Variants in SUPT16H observed in about 807,000 individuals in gnomAD.
SUPT16H encodes SPT16 homolog, facilitates chromatin remodeling subunit.
In SUPT16H, 24 loss-of-function variants were observed where a neutral mutation model predicts 136.2. The ratio of observed to expected loss-of-function variants is 0.18; its 90% CI spans 0.13 to 0.25. SUPT16H has a LOEUF of 0.25. Ranked by LOEUF, SUPT16H falls within the 10% of genes least tolerant of loss-of-function variation. The pLI is 1.00. For missense variants in SUPT16H, 623 were observed against 1,270.2 expected, an observed-to-expected ratio of 0.49 and a Z score of 7.74; for synonymous variants, 415 against 428.2, an observed-to-expected ratio of 0.97 and a Z score of 0.38.
rs867431583 is a variant in SUPT16H, at chr14:21,357,995, C to T, written c.2422G>A (p.Gly808Arg). The T allele has an allele frequency of 6.2e-7, 1 of 1,613,362 alleles. No homozygotes were observed. Among genetic ancestry groups the T allele is most frequent in the Non-Finnish European group, 8.5e-7 (1 of 1,179,630 alleles). ...EVPFRDLGFNGAPYRSTCLLQ... is the reference protein window; with the variant it reads ...EVPFRDLGFNRAPYRSTCLLQ... ...AGGCAGGTACTCCTATAGGGAGCTC[C>T]GTTAAATCTGGAAGAGACAAACTTT... is the stretch of plus-strand genomic sequence containing the variant. The change falls in exon 21 of 26, where the codon GGA becomes AGA. Residue 808 changes from glycine to arginine, a missense_variant. Gly to Arg is a moderately radical substitution (Grantham distance 125). Transcript: ENST00000216297.
intron 21 of SUPT16H, among the ~76,000 whole-genome samples, chr14:21,357,634 T>TTACAAAA (rs1886463079): frequency 6.6e-6 from 1 of 151,798 alleles, no homozygotes. Flanking sequence ...AGACATTATC[T>TTACAAAA]TAAAAAATAA....
In SUPT16H at chr14:21,358,080, C is replaced by T. The variant is rs1886473416; in HGVS notation, c.2415-78G>A. 1.3e-5 allele frequency: 17 copies of T among 1,334,698 alleles called. No homozygotes were observed. In the South Asian group the frequency reaches 1.9e-4, roughly 15 times the overall value. The allele number at this position is 1,334,698 out of a possible 1,614,324, so 82.7% of individuals were successfully genotyped here. On this transcript the variant is annotated intron_variant, in intron 20 of 25. Transcript: ENST00000216297. ...ACCACAACAGACAAACTTCTTCCCT[C>T]TCCCCATTCCAAACAGCTCCAGCAT...
chr14:21,366,429 C>T lies in SUPT16H; in HGVS notation c.1046+10G>A. ...CTGACTCAAGAATGACAATAGACAT[C>T]ATGGCATACCCTAGGTTTTTGGTAA... On this transcript the variant is annotated intron_variant, in intron 8 of 25. Coordinates refer to ENST00000216297, the MANE Select transcript of SUPT16H (RefSeq NM_007192.4). 3 of 1,612,934 alleles carry T rather than the reference C, an allele frequency of 1.9e-6. No individual in the cohort carries two copies. The highest frequency in any genetic ancestry group is 1.7e-6 in the Non-Finnish European group (2 of 1,179,500).
chr14:21,370,911 G>A (rs961968598), intron 3 of SUPT16H, among the ~76,000 whole-genome samples: 1 of 152,096 alleles, frequency 6.6e-6, no homozygotes, highest in Non-Finnish European at 1.5e-5. Flanking sequence ...GAGCAGCTGG[G>A]ATTACAGGTG....
intron 1 of SUPT16H, among the ~76,000 whole-genome samples, chr14:21,377,892 G>T (rs1886938226): frequency 6.6e-6 from 1 of 152,154 alleles, no homozygotes; most frequent in Non-Finnish European, 1.5e-5. Context: ...CCAAAATGCT[G>T]ATATTACAGG....
At chr14:21,363,672 A>AT (rs1304634400) in intron 10 of SUPT16H, among the ~76,000 whole-genome samples, 169 bp from the exon 11 acceptor site, 1 of 151,810 alleles carries the variant, frequency 6.6e-6, no homozygotes, top group Non-Finnish European at 1.5e-5. Context: ...AGGAGCTACA[A>AT]TTTTTTTTCT....
chr14:21,358,128 G>C, intron 20 of SUPT16H, 126 bp from the exon 21 acceptor site: 1 of 921,252 alleles, frequency 1.1e-6, no homozygotes, highest in Non-Finnish European at 1.7e-6. Context: ...CTCATCCAGA[G>C]GAAGCCTCTT....
intron 1 of SUPT16H, chr14:21,382,993 A>C (rs1377507333): frequency 6.6e-5 from 10 of 152,234 alleles, no homozygotes; most frequent in Non-Finnish European, 1.3e-4. Flanking sequence ...GTTAAAAAAA[A>C]ATCTTTATTA....
chr14:21,382,723 A>C (rs1401288609), intron 1 of SUPT16H, among the ~76,000 whole-genome samples: 2 of 152,228 alleles, frequency 1.3e-5, no homozygotes, highest in South Asian at 2.1e-4. Context: ...TTAATCAAAA[A>C]ATTAAAAAAA....
rs577552464 is a variant in SUPT16H, at chr14:21,366,797, C to T, written c.956-268G>A. 2.4e-3 allele frequency among the ~76,000 whole-genome samples: 363 copies of T among 152,148 alleles called. 1 individual carries two copies. Among genetic ancestry groups the T allele is most frequent in the Non-Finnish European group, 4.2e-3 (289 of 68,004 alleles). On this transcript the variant is annotated intron_variant, in intron 7 of 25. Transcript: ENST00000216297. The stretch of plus-strand genomic sequence containing the variant: ...CCAAGTAACTGGGACTATAGGCACA[C>T]ACCACTATGCCCAGCTAATTTTTTA...
chr14:21,360,497 T>C lies in SUPT16H; in HGVS notation c.2093A>G (p.Asp698Gly). 6.2e-7 allele frequency: 1 copy of C among 1,613,878 alleles called. No individual in the cohort carries two copies. The highest frequency in any genetic ancestry group is 8.5e-7 in the Non-Finnish European group (1 of 1,179,836). ...RFTSVRGDKV[D>G]ILYNNIKHAL... is the part of the protein sequence containing the mutation. ...ATGCTTAATATTATTGTACAAAATA[T>C]CCACTTTGTCTCCTCGAACAGATGT... Residue 698 changes from aspartate (D) to glycine (G), a missense_variant, in exon 18 of 26, where the codon GAT becomes GGT. Physicochemically the swap from Asp to Gly is moderately conservative, Grantham distance 94. This residue lies in a region of SUPT16H where 21 missense variants were observed against 140.3 expected (regional missense o/e 0.15). Coordinates refer to ENST00000216297, the MANE Select transcript of SUPT16H (RefSeq NM_007192.4).
At chr14:21,380,248 T>C (rs1436623762) in intron 1 of SUPT16H, among the ~76,000 whole-genome samples, 1 of 151,638 alleles carries the variant, frequency 6.6e-6, no homozygotes, top group Admixed American at 6.6e-5. Context: ...TTTAGGTATC[T>C]AGGTATGTCC....
chr14:21,383,669 G>T (rs779986145), intron 1 of SUPT16H, 193 bp downstream of exon 1: 10 of 722,906 alleles, frequency 1.4e-5, no homozygotes, highest in Non-Finnish European at 2.5e-5. Context: ...GCAGGACAGG[G>T]TGAATGCGGG....
intron 25 of SUPT16H, 46 bp downstream of exon 25, chr14:21,353,442 A>G (rs1351666359): frequency 6.4e-7 from 1 of 1,571,710 alleles, no homozygotes; most frequent in Admixed American, 1.7e-5. Flanking sequence ...TGTGTTAGAA[A>G]TTTGTGCGTA....
chr14:21,381,821 A>G lies in SUPT16H; in HGVS notation c.66+2041T>C, dbSNP rs114675221. 9.8e-3 allele frequency among the ~76,000 whole-genome samples: 1,434 copies of G among 146,204 alleles called. 24 individuals are homozygous for G. Among genetic ancestry groups the G allele is most frequent in the African/African-American group, 0.032 (1,271 of 39,514 alleles). On this transcript the variant is annotated intron_variant, in intron 1 of 25. Transcript: ENST00000216297. ...TTTTTGTAGAGACGGGGGTCTCATC[A>G]TCTTGCCCAGGCTGGTCTTTAACTC...
chr14:21,369,527 G>C lies in SUPT16H; in HGVS notation c.631-172C>G, dbSNP rs1354270680. 4.1e-6 allele frequency: 4 copies of C among 967,488 alleles called. No homozygotes were observed. In the African/African-American group the frequency reaches 6.6e-5, roughly 16 times the overall value. 59.9% of individuals were successfully genotyped at this position (967,488 alleles called of 1,614,324 possible). ...AAACACATTTGGAGAACAATATGTA[G>C]GACTTACAGCTATTCCTATGATTCT... On this transcript the variant is annotated intron_variant, in intron 5 of 25. Coordinates refer to ENST00000216297, the MANE Select transcript of SUPT16H (RefSeq NM_007192.4).
At chr14:21,367,588 A>T (rs1278201667) in intron 7 of SUPT16H, among the ~76,000 whole-genome samples, 1 of 152,206 alleles carries the variant, frequency 6.6e-6, no homozygotes, top group Non-Finnish European at 1.5e-5. Flanking sequence ...GGTGTCTGGA[A>T]GCTCAGTATC....
intron 25 of SUPT16H, among the ~76,000 whole-genome samples, chr14:21,353,138 A>G (rs921685230): frequency 2.6e-5 from 4 of 152,202 alleles, no homozygotes; most frequent in Non-Finnish European, 4.4e-5. Context: ...CCTAACCTGG[A>G]AGAAGCCTAG....
chr14:21,361,472 A>C, intron 15 of SUPT16H: 6 of 487,398 alleles, frequency 1.2e-5, no homozygotes, highest in African/African-American at 2.0e-5. Context: ...ACACACCACC[A>C]TGCCCGGCTA....
Sources: gnomAD v4.1 joint callset for allele counts (sites outside exome capture counted in the v4.1 genomes callset) on GRCh38, gnomAD v4.1.1 for gene constraint, gnomAD v4.1.1 regional missense constraint, MANE v1.5 for transcripts, NCBI Gene and HGNC (gene_info 2026-07-23, HGNC 2026-07-21) for gene names.